The following RBFOX1 variants were observed in gnomAD, a reference collection of about 807,000 sequenced individuals.
The protein encoded by RBFOX1 is RNA binding fox-1 homolog 1.
A neutral mutation model predicts 57.7 loss-of-function variants in RBFOX1; 8 were observed. The ratio of observed to expected loss-of-function variants is 0.14; its 90% CI spans 0.08 to 0.25. The LOEUF (loss-of-function observed/expected upper bound fraction) is 0.25, where lower values mean the gene tolerates loss of function less well. Among genes scored for constraint, RBFOX1 ranks in the 10% least tolerant of loss-of-function variants. The pLI is 1.00. For synonymous variants in RBFOX1, 326 were observed against 222.4 expected (o/e 1.47, Z -4.15); for missense variants, 611 against 548.5 (o/e 1.11, Z -1.14).
At chr16:7,356,712 A>ATAT (rs1455914042) in intron 4 of RBFOX1, among the ~76,000 whole-genome samples, 1 of 152,252 alleles carries the variant, frequency 6.6e-6, no homozygotes, top group African/African-American at 2.4e-5. Context: ...TGCTTTTTAA[A>ATAT]TAAGACAAAT....
intron 3 of RBFOX1, among the ~76,000 whole-genome samples, chr16:5,642,195 T>G (rs751109688): frequency 2.9e-4 from 44 of 152,202 alleles, no homozygotes; most frequent in Non-Finnish European, 5.1e-4. Flanking sequence ...TTTGATCCCT[T>G]CACTGCCCAA....
At chr16:7,596,701 G>T (rs972750933) in intron 8 of RBFOX1, among the ~76,000 whole-genome samples, 2 of 152,132 alleles carry the variant, frequency 1.3e-5, no homozygotes, top group African/African-American at 4.8e-5. Flanking sequence ...GCTAGCCTGG[G>T]AGGCACTGAC....
At chr16:7,034,186 T>C (rs1032098913) in intron 3 of RBFOX1, among the ~76,000 whole-genome samples, 1 of 152,196 alleles carries the variant, frequency 6.6e-6, no homozygotes, top group African/African-American at 2.4e-5. Context: ...GTTTGACTCC[T>C]GGCTCTGGTT....
At chr16:6,969,866 C>G (rs1194985636) in intron 3 of RBFOX1, among the ~76,000 whole-genome samples, 1 of 152,154 alleles carries the variant, frequency 6.6e-6, no homozygotes, top group East Asian at 1.9e-4. Flanking sequence ...AACCATTGTA[C>G]TAATTGATGG....
chr16:5,935,010 A>G (rs1346022897), intron 4 of RBFOX1, among the ~76,000 whole-genome samples: 1 of 152,184 alleles, frequency 6.6e-6, no homozygotes, highest in Non-Finnish European at 1.5e-5. Flanking sequence ...CAGAATATCG[A>G]AGGGTCAATC....
intron 2 of RBFOX1, among the ~76,000 whole-genome samples, chr16:6,528,764 C>T (rs888645734): frequency 2.6e-5 from 4 of 152,106 alleles, no homozygotes; most frequent in South Asian, 2.1e-4. Flanking sequence ...GTACACTCTA[C>T]GATGGTTAGC....
intron 4 of RBFOX1, among the ~76,000 whole-genome samples, chr16:5,995,916 C>T (rs2060482495): frequency 6.6e-6 from 1 of 152,114 alleles, no homozygotes; most frequent in South Asian, 2.1e-4. Context: ...CTGGGAAGTC[C>T]AAGACTGAGG....
intron 4 of RBFOX1, among the ~76,000 whole-genome samples, chr16:5,926,768 A>C (rs1399886804): frequency 6.6e-6 from 1 of 152,206 alleles, no homozygotes; most frequent in Non-Finnish European, 1.5e-5. Context: ...ACATTATTTA[A>C]GTTTGAGAAA....
At chr16:5,784,604 C>T (rs997509191) in intron 3 of RBFOX1, among the ~76,000 whole-genome samples, 1 of 152,154 alleles carries the variant, frequency 6.6e-6, no homozygotes, top group African/African-American at 2.4e-5. Flanking sequence ...CCATGATTCG[C>T]TCACCTCCCA....
At chr16:6,198,322 A>G (rs1243510928) in intron 1 of RBFOX1, among the ~76,000 whole-genome samples, 1 of 152,240 alleles carries the variant, frequency 6.6e-6, no homozygotes, top group African/African-American at 2.4e-5. Context: ...AGACTTGATG[A>G]CAAGATACAT....
chr16:7,020,728 C>T (rs113953052), intron 3 of RBFOX1, among the ~76,000 whole-genome samples: 3 of 152,200 alleles, frequency 2.0e-5, no homozygotes, highest in South Asian at 2.1e-4. Context: ...AGGGAAATGT[C>T]CTTCCCTCTG....
At chr16:7,072,031 C>G (rs1489122565) in intron 4 of RBFOX1, among the ~76,000 whole-genome samples, 1 of 152,148 alleles carries the variant, frequency 6.6e-6, no homozygotes, top group African/African-American at 2.4e-5. Context: ...GAAGTCATAA[C>G]GATTTCTAAA....
chr16:5,459,602 T>C (rs896418512), intron 1 of RBFOX1, among the ~76,000 whole-genome samples: 1 of 152,072 alleles, frequency 6.6e-6, no homozygotes, highest in African/African-American at 2.4e-5. Flanking sequence ...CCCCAATTTT[T>C]CCTTCCCCCA....
chr16:5,276,658 C>T (rs1458477678), intron 1 of RBFOX1, among the ~76,000 whole-genome samples: 1 of 152,138 alleles, frequency 6.6e-6, no homozygotes, highest in Non-Finnish European at 1.5e-5. Context: ...TGGCGGTTGC[C>T]TGTAATCCCA....
At chr16:5,454,878 C>CT (rs1358201773) in intron 1 of RBFOX1, among the ~76,000 whole-genome samples, 4 of 84,638 alleles carry the variant, frequency 4.7e-5, no homozygotes, top group African/African-American at 1.8e-4. Flanking sequence ...TTCTTTCTTT[C>CT]TTTCTTTCTT....
At chr16:5,834,657 G>T (rs1314722195) in intron 3 of RBFOX1, among the ~76,000 whole-genome samples, 6 of 151,122 alleles carry the variant, frequency 4.0e-5, no homozygotes, top group African/African-American at 1.5e-4. Flanking sequence ...TAGTTAACCA[G>T]TAGTGGGATT....
At chr16:6,838,858 A>G (rs188928148) in intron 3 of RBFOX1, among the ~76,000 whole-genome samples, 36 of 152,234 alleles carry the variant, frequency 2.4e-4, no homozygotes, top group African/African-American at 8.7e-4. Context: ...TCTGAAGGAA[A>G]ATCACACTGA....
intron 2 of RBFOX1, among the ~76,000 whole-genome samples, chr16:5,530,028 T>G (rs2044403348): frequency 6.6e-6 from 1 of 152,094 alleles, no homozygotes; most frequent in Admixed American, 6.5e-5. Context: ...GAACCAACCA[T>G]GCAGACACCT....
At chr16:6,703,398 A>AC (rs2062165953) in intron 3 of RBFOX1, among the ~76,000 whole-genome samples, 1 of 151,892 alleles carries the variant, frequency 6.6e-6, no homozygotes, top group Non-Finnish European at 1.5e-5. Flanking sequence ...ACATAGTGAG[A>AC]CCCCATCTCT....
Sources: gnomAD v4.1 joint callset for allele counts (sites outside exome capture counted in the v4.1 genomes callset) on GRCh38, gnomAD v4.1.1 for gene constraint, MANE v1.5 for transcripts, NCBI Gene and HGNC (gene_info 2026-07-23, HGNC 2026-07-21) for gene names.